The following RHOH variants were observed in gnomAD, a reference collection of about 807,000 sequenced individuals.
RHOH encodes rho-related GTP-binding protein RhoH.
Under a neutral mutation model 13.8 loss-of-function variants are expected in RHOH, and 6 were observed. That is an observed-to-expected ratio of 0.44 (90% CI 0.24 to 0.86). The LOEUF (loss-of-function observed/expected upper bound fraction) is 0.86, where lower values mean the gene tolerates loss of function less well. Among genes scored for constraint, RHOH ranks in the 40% least tolerant of loss-of-function variants. The probability of loss-of-function intolerance (pLI) is 0.24; values close to 1 mark genes in which losing one functional copy is unlikely to be tolerated. For synonymous variants in RHOH, 117 were observed against 103.0 expected (o/e 1.14, Z -0.82); for missense variants, 147 against 244.5 (o/e 0.60, Z 2.66).
intron 1 of RHOH, among the ~76,000 whole-genome samples, chr4:40,242,132 T>C (rs1017939198): frequency 2.0e-5 from 3 of 152,224 alleles, no homozygotes; most frequent in Admixed American, 1.3e-4. Context: ...TGTGATATTG[T>C]GCCACAGCAG....
At chr4:40,193,283 T>C (rs1044145461), upstream of RHOH, among the ~76,000 whole-genome samples, 1 of 152,142 alleles carries the variant, frequency 6.6e-6, no homozygotes. Flanking sequence ...ACCCATGGTT[T>C]CCCTCCTCCT....
chr4:40,213,400 C>G (rs949043127), intron 1 of RHOH, among the ~76,000 whole-genome samples: 1 of 151,414 alleles, frequency 6.6e-6, no homozygotes, highest in African/African-American at 2.4e-5. Context: ...CACACACACA[C>G]CCATCTTGGG....
upstream of RHOH, among the ~76,000 whole-genome samples, chr4:40,193,969 T>C (rs1187013169): frequency 6.6e-6 from 1 of 152,164 alleles, no homozygotes; most frequent in Admixed American, 6.5e-5. Context: ...TCTTGCTTTG[T>C]TTCCCAAAGG....
At chr4:40,192,416 G>A (rs1722741344), upstream of RHOH, among the ~76,000 whole-genome samples, 1 of 152,164 alleles carries the variant, frequency 6.6e-6, no homozygotes, top group Non-Finnish European at 1.5e-5. Flanking sequence ...ACCCAGCGTT[G>A]AAATAATTTA....
At chr4:40,194,762 C>T (rs1320218), upstream of RHOH, among the ~76,000 whole-genome samples, 24,380 of 152,252 alleles carry the variant, frequency 0.16, 2,290 homozygotes, top group South Asian at 0.32. Flanking sequence ...TCCTGCTGCA[C>T]TCTCCCTGCC....
chr4:40,229,272 C>T (rs952568526), intron 1 of RHOH, among the ~76,000 whole-genome samples: 3 of 152,124 alleles, frequency 2.0e-5, no homozygotes, highest in Non-Finnish European at 2.9e-5. Flanking sequence ...GTCACTATAG[C>T]GTAAAGTATA....
At chr4:40,213,636 A>C (rs1725545349) in intron 1 of RHOH, among the ~76,000 whole-genome samples, 1 of 152,136 alleles carries the variant, frequency 6.6e-6, no homozygotes, top group African/African-American at 2.4e-5. Context: ...GAGTGGAGGC[A>C]AAAATTCCAG....
chr4:40,222,459 G>A (rs894487338), intron 1 of RHOH, among the ~76,000 whole-genome samples: 4 of 152,188 alleles, frequency 2.6e-5, no homozygotes, highest in African/African-American at 9.6e-5. Context: ...AGGGCCTTAA[G>A]AATTATGCTA....
At chr4:40,199,115 T>A (rs1330008404) in intron 1 of RHOH, among the ~76,000 whole-genome samples, 2 of 151,430 alleles carry the variant, frequency 1.3e-5, no homozygotes, top group South Asian at 2.1e-4. Context: ...AAAAAAAAAA[T>A]TCACAAAATA....
upstream of RHOH, among the ~76,000 whole-genome samples, chr4:40,191,961 A>G (rs990786060): frequency 2.0e-5 from 3 of 152,030 alleles, no homozygotes; most frequent in African/African-American, 7.2e-5. Context: ...AATGAATTAA[A>G]ATGCATAAAG....
Position 40,243,975 on chromosome 4 carries a change from T to C in RHOH, c.*13T>C. 1 of 1,595,024 alleles carries C rather than the reference T, an allele frequency of 6.3e-7. No individual in the cohort carries two copies. The highest frequency in any genetic ancestry group is 8.6e-7 in the Non-Finnish European group (1 of 1,168,738). On this transcript the variant is annotated 3_prime_UTR_variant, in exon 3 of 3. Transcript: ENST00000381799. This position sits in a 1 kb window ranked among gnomAD's most constrained non-coding sequence, Gnocchi z 6.2. ...CAAGATCTTCTAAACCCCAAGAGACTTCACACAACACTTATGTATGCACCC... is the reference window on the plus strand; with the variant it reads ...CAAGATCTTCTAAACCCCAAGAGACCTCACACAACACTTATGTATGCACCC...
In RHOH at chr4:40,244,365, C is replaced by G. The variant is rs561344797; in HGVS notation, c.*403C>G. ...CTTGGAAAATCTTTTCCTACATCCT[C>G]GAAAACATAAACTCCTCTGTGAGTG... On this transcript the variant is annotated 3_prime_UTR_variant, in exon 3 of 3. Coordinates refer to ENST00000381799, the MANE Select transcript of RHOH (RefSeq NM_004310.5). 1 of 236,288 alleles carries G rather than the reference C, an allele frequency of 4.2e-6. No individual in the cohort carries two copies. 14.6% of individuals were successfully genotyped at this position (236,288 alleles called of 1,614,324 possible).
chr4:40,241,725 C>A (rs1159511710), intron 1 of RHOH, among the ~76,000 whole-genome samples: 1 of 151,494 alleles, frequency 6.6e-6, no homozygotes, highest in Non-Finnish European at 1.5e-5. Context: ...TGTGTCTCTA[C>A]AAAAAAAGCA....
chr4:40,194,782 G>A (rs1224091723), upstream of RHOH, among the ~76,000 whole-genome samples: 1 of 152,164 alleles, frequency 6.6e-6, no homozygotes, highest in African/African-American at 2.4e-5. Flanking sequence ...CGCACACCCT[G>A]GAGTTGCTTT....
chr4:40,223,995 C>T (rs1395699633), intron 1 of RHOH, among the ~76,000 whole-genome samples: 3 of 152,098 alleles, frequency 2.0e-5, no homozygotes, highest in African/African-American at 7.2e-5. Flanking sequence ...TGGTCTTGAA[C>T]TCTCGACCTC....
rs141124341 is a variant in RHOH, at chr4:40,215,471, G to A, written c.-331+18171G>A. ...GACTCCAATCTTTCAAGCACTGTGT[G>A]TCTTTTCCTGGTCCTCCCTCGCTCC... On this transcript the variant is annotated intron_variant, in intron 1 of 2. Transcript: ENST00000381799. Among the ~76,000 whole-genome samples, 662 of 152,218 alleles carry A rather than the reference G, an allele frequency of 4.3e-3. 20 individuals carry two copies. The highest frequency in any genetic ancestry group is 0.039 in the Admixed American group (595 of 15,288).
At chr4:40,219,147 C>T (rs1654210115) in intron 1 of RHOH, among the ~76,000 whole-genome samples, 1 of 152,058 alleles carries the variant, frequency 6.6e-6, no homozygotes, top group Admixed American at 6.5e-5. Flanking sequence ...CGCGGTGGCT[C>T]ACGCCTGTAA....
At chr4:40,195,665 C>T (rs532626753), upstream of RHOH, among the ~76,000 whole-genome samples, 1 of 152,114 alleles carries the variant, frequency 6.6e-6, no homozygotes, top group South Asian at 2.1e-4. Context: ...AGGCTGGTCC[C>T]GAACTCCTAG....
chr4:40,198,106 A>G (rs1723457140), intron 1 of RHOH, among the ~76,000 whole-genome samples: 1 of 152,238 alleles, frequency 6.6e-6, no homozygotes, highest in Non-Finnish European at 1.5e-5. Context: ...AAATTTAGGA[A>G]GCAATGCAAG....
Sources: allele counts gnomAD v4.1 joint callset (sites outside exome capture counted in the v4.1 genomes callset), GRCh38; gene constraint gnomAD v4.1.1; non-coding constraint Gnocchi (gnomAD v3.1); transcripts MANE v1.5; gene names NCBI Gene and HGNC (gene_info 2026-07-23, HGNC 2026-07-21).